Variants in GATAD2A observed in about 807,000 individuals in gnomAD.
GATAD2A encodes the protein GATA zinc finger domain containing 2A.
A neutral mutation model predicts 68.5 loss-of-function variants in GATAD2A; 12 were observed. The observed-to-expected ratio is 0.18, with a 90% CI of 0.11 to 0.28. The LOEUF is 0.28. GATAD2A is among the 10% of genes least tolerant of loss of function. The probability of loss-of-function intolerance (pLI) is 1.00; values close to 1 mark genes in which losing one functional copy is unlikely to be tolerated. For synonymous variants in GATAD2A, 410 were observed against 375.3 expected, an observed-to-expected ratio of 1.09 and a Z score of -1.07; for missense variants, 755 against 868.5, an observed-to-expected ratio of 0.87 and a Z score of 1.64.
chr19:19,493,370 C>G (rs1377755677), intron 4 of GATAD2A, among the ~76,000 whole-genome samples: 2 of 150,720 alleles, frequency 1.3e-5, no homozygotes, highest in Non-Finnish European at 3.0e-5. Flanking sequence ...ATGCCCCAGT[C>G]TCTACCATCA....
chr19:19,472,598 T>C (rs1307912239), intron 2 of GATAD2A: 1 of 151,808 alleles, frequency 6.6e-6, no homozygotes, highest in Non-Finnish European at 1.5e-5. Flanking sequence ...CCTCCGAAAG[T>C]GCTGGGATTA....
chr19:19,496,024 T>C (rs1172142824), intron 6 of GATAD2A, 28 bp from the exon 7 acceptor site: 3 of 1,609,246 alleles, frequency 1.9e-6, no homozygotes, highest in Admixed American at 3.3e-5. Flanking sequence ...CAGTCAGATT[T>C]CTTGTTCTCC....
rs1205739163 is a variant in GATAD2A, at chr19:19,465,551, T to C, written c.206T>C (p.Met69Thr). Residue 69 changes from methionine (M) to threonine (T), a missense_variant, in exon 2 of 12, where the codon ATG becomes ACG. Transcript: ENST00000683918. ...GLLRATEATA[M>T]AMGRGEGLVG... Reference sequence around the variant, plus strand: ...CTGAGGGCAACAGAGGCCACGGCCATGGCCATGGGCAGAGGCGAAGGGCTG... The same window carrying C: ...CTGAGGGCAACAGAGGCCACGGCCACGGCCATGGGCAGAGGCGAAGGGCTG... The C allele has an allele frequency of 1.2e-6, 2 of 1,613,896 alleles. No individual in the cohort carries two copies. The highest frequency in any genetic ancestry group is 2.2e-5 in the East Asian group (1 of 44,882).
chr19:19,468,526 GA>G (rs1420587813), intron 2 of GATAD2A, among the ~76,000 whole-genome samples: 2 of 152,160 alleles, frequency 1.3e-5, no homozygotes, highest in African/African-American at 4.8e-5. Flanking sequence ...TCAAACTGTA[GA>G]AAGCCAAAGA....
chr19:19,465,529 A>C lies in GATAD2A; in HGVS notation c.184A>C (p.Arg62=). 1 of 1,613,980 alleles carries C rather than the reference A, an allele frequency of 6.2e-7. No individual in the cohort carries two copies. Among genetic ancestry groups the C allele is most frequent in the Non-Finnish European group, 8.5e-7 (1 of 1,179,828 alleles). Residue 62 remains arginine (R), a synonymous_variant, in exon 2 of 12, where the codon AGG becomes CGG. Transcript: ENST00000683918. ...AGCAGGTCCAACCCAAGGATTGCTGAGGGCAACAGAGGCCACGGCCATGGC... is the reference window on the plus strand; with the variant it reads ...AGCAGGTCCAACCCAAGGATTGCTGCGGGCAACAGAGGCCACGGCCATGGC... ...PGAGPTQGLL[R]ATEATAMAMG... is the part of the protein sequence containing the mutation.
At chr19:19,396,469 A>G (rs1034782665) in intron 1 of GATAD2A, among the ~76,000 whole-genome samples, 1 of 152,196 alleles carries the variant, frequency 6.6e-6, no homozygotes, top group Non-Finnish European at 1.5e-5. Flanking sequence ...GGAAGTTCCT[A>G]GTTTGGTTGA....
At position 19,495,870 on chromosome 19, in the gene GATAD2A, C is replaced by T. The variant is rs2060115613; in HGVS notation, c.741C>T (p.Leu247=). 3 of 1,612,738 alleles carry T rather than the reference C, an allele frequency of 1.9e-6. No individual in the cohort carries two copies. Among genetic ancestry groups the T allele is most frequent in the Non-Finnish European group, 2.5e-6 (3 of 1,179,352 alleles). ...QASSQVVMPP[L]VRGAQQIHSI... is the part of the protein sequence containing the mutation. Reference sequence around the variant, plus strand: ...GCTCACAGGTCGTCATGCCCCCACTCGTCAGGGGGGCTCAGGTAAGCAGGG... The same window carrying T: ...GCTCACAGGTCGTCATGCCCCCACTTGTCAGGGGGGCTCAGGTAAGCAGGG... Residue 247 remains leucine, a synonymous_variant, in exon 6 of 12, where the codon CTC becomes CTT. Transcript: ENST00000683918.
chr19:19,461,216 C>T (rs998987722), intron 1 of GATAD2A, among the ~76,000 whole-genome samples: 2 of 152,222 alleles, frequency 1.3e-5, no homozygotes, highest in Admixed American at 6.5e-5. Context: ...TCACTTTCTT[C>T]CTGTCTGAAA....
chr19:19,436,188 G>A (rs948060140), intron 1 of GATAD2A: 7 of 1,366,210 alleles, frequency 5.1e-6, no homozygotes, highest in Non-Finnish European at 6.9e-6. Flanking sequence ...ATGGCCAACT[G>A]GTAGGACCAG....
At chr19:19,498,755 G>A (rs765765436) in intron 8 of GATAD2A, 33 bp downstream of exon 8, 76 of 1,564,098 alleles carry the variant, frequency 4.9e-5, no homozygotes, top group East Asian at 1.1e-4. Context: ...GGCTGCTTCC[G>A]CCTCTGGCCT....
At chr19:19,464,182 T>C (rs950294009) in intron 1 of GATAD2A, among the ~76,000 whole-genome samples, 2 of 152,160 alleles carry the variant, frequency 1.3e-5, no homozygotes, top group African/African-American at 4.8e-5. Flanking sequence ...ACCAGAGGGC[T>C]TCAGCATAGA....
chr19:19,400,623 G>A (rs902578332), intron 1 of GATAD2A, among the ~76,000 whole-genome samples: 2 of 152,082 alleles, frequency 1.3e-5, no homozygotes, highest in Non-Finnish European at 2.9e-5. Flanking sequence ...CCTCCCTGAA[G>A]AAAGAATCAG....
intron 11 of GATAD2A, among the ~76,000 whole-genome samples, chr19:19,504,212 T>TG (rs2060727050): frequency 6.6e-6 from 1 of 152,204 alleles, no homozygotes; most frequent in South Asian, 2.1e-4. Flanking sequence ...TCAAGGGGTC[T>TG]GGGGCAGCCC....
chr19:19,423,563 G>A (rs1473024370), intron 1 of GATAD2A, among the ~76,000 whole-genome samples: 1 of 152,230 alleles, frequency 6.6e-6, no homozygotes, highest in African/African-American at 2.4e-5. Context: ...CCTTAGCCAG[G>A]GCCATTGGTG....
chr19:19,410,288 T>C (rs1367925309), intron 1 of GATAD2A, among the ~76,000 whole-genome samples: 1 of 145,642 alleles, frequency 6.9e-6, no homozygotes, highest in Non-Finnish European at 1.5e-5. Context: ...TGAGCAGTAC[T>C]CTAAAGGAGG....
intron 1 of GATAD2A, among the ~76,000 whole-genome samples, chr19:19,440,985 C>T (rs2054988859): frequency 9.7e-6 from 1 of 103,134 alleles, no homozygotes; most frequent in African/African-American, 3.4e-5. Flanking sequence ...CCTTTCCTTC[C>T]TTTCCTTCCC....
chr19:19,502,239 G>T (rs923865865), intron 10 of GATAD2A, 92 bp from the exon 11 acceptor site: 1 of 1,097,716 alleles, frequency 9.1e-7, no homozygotes, highest in Non-Finnish European at 1.3e-6. Context: ...GGTGGGAAGA[G>T]GTCAGCCAGA....
intron 1 of GATAD2A, among the ~76,000 whole-genome samples, chr19:19,439,866 A>C (rs1039442711): frequency 2.0e-5 from 3 of 152,060 alleles, no homozygotes; most frequent in Non-Finnish European, 4.4e-5. Flanking sequence ...AACAAACAAA[A>C]AACACAAAAA....
intron 1 of GATAD2A, among the ~76,000 whole-genome samples, chr19:19,420,480 C>T (rs1489146669): frequency 1.7e-4 from 25 of 149,680 alleles, no homozygotes; most frequent in African/African-American, 5.4e-4. Context: ...TACAGGCGCC[C>T]GCCACCACGC....
Sources: gnomAD v4.1 joint callset for allele counts (sites outside exome capture counted in the v4.1 genomes callset) on GRCh38, gnomAD v4.1.1 for gene constraint, MANE v1.5 for transcripts, NCBI Gene and HGNC (gene_info 2026-07-23, HGNC 2026-07-21) for gene names.